The following BBX variants were observed in gnomAD, a reference collection of about 807,000 sequenced individuals.
BBX encodes the protein HMG box transcription factor BBX.
BBX carries 30 observed loss-of-function variants against 100.2 expected under a neutral mutation model. The ratio of observed to expected loss-of-function variants is 0.30; its 90% CI spans 0.22 to 0.41. The LOEUF (loss-of-function observed/expected upper bound fraction) is 0.41, where lower values mean the gene tolerates loss of function less well. Among genes scored for constraint, BBX ranks in the 10% least tolerant of loss-of-function variants. The probability of loss-of-function intolerance (pLI) is 1.00; values close to 1 mark genes in which losing one functional copy is unlikely to be tolerated. For missense variants in BBX, 1,023 were observed against 1,129.8 expected (o/e 0.91, Z 1.35); for synonymous variants, 376 against 388.1 (o/e 0.97, Z 0.37).
At chr3:107,525,757 T>G (rs530285365) in intron 1 of BBX, among the ~76,000 whole-genome samples, 16 of 152,198 alleles carry the variant, frequency 1.1e-4, no homozygotes, top group African/African-American at 3.4e-4. Context: ...TTGGCGAATG[T>G]GTTTTCCCTG....
At chr3:107,648,207 T>C (rs1165408800) in intron 3 of BBX, among the ~76,000 whole-genome samples, 2 of 152,176 alleles carry the variant, frequency 1.3e-5, no homozygotes, top group Admixed American at 1.3e-4. Flanking sequence ...TGAATCCTTT[T>C]GTTGTTATAT....
At chr3:107,606,646 G>T (rs1432687401) in intron 2 of BBX, among the ~76,000 whole-genome samples, 1 of 151,790 alleles carries the variant, frequency 6.6e-6, no homozygotes, top group African/African-American at 2.4e-5. Flanking sequence ...TTTTTAAAAA[G>T]TTTTTATTTT....
chr3:107,710,362 A>G (rs948566041), intron 3 of BBX, 90 bp from the exon 4 acceptor site: 2 of 1,071,946 alleles, frequency 1.9e-6, no homozygotes. Context: ...AGCTAAATAA[A>G]CTAATTGTAA....
chr3:107,637,571 C>A (rs369422641), intron 2 of BBX, among the ~76,000 whole-genome samples: 19 of 152,158 alleles, frequency 1.2e-4, no homozygotes, highest in Non-Finnish European at 1.5e-5. Flanking sequence ...GTTGTGTGGT[C>A]GATGGGTTGA....
intron 3 of BBX, among the ~76,000 whole-genome samples, chr3:107,705,714 G>T (rs759924483): frequency 6.6e-5 from 10 of 152,172 alleles, no homozygotes; most frequent in Non-Finnish European, 1.5e-4. Flanking sequence ...GTAAAGGGTG[G>T]ATTTGCCAAC....
intron 7 of BBX, among the ~76,000 whole-genome samples, chr3:107,733,256 T>C (rs2063425935): frequency 6.6e-6 from 1 of 152,116 alleles, no homozygotes; most frequent in African/African-American, 2.4e-5. Flanking sequence ...AACCTACAAG[T>C]AAGGTTGTAG....
chr3:107,571,481 G>T (rs534126418), intron 2 of BBX, among the ~76,000 whole-genome samples: 70 of 152,312 alleles, frequency 4.6e-4, no homozygotes, highest in African/African-American at 1.6e-3. Context: ...ACTGGAGTTG[G>T]AAGGACAGGG....
chr3:107,677,977 C>T (rs2059373045), intron 3 of BBX, among the ~76,000 whole-genome samples: 2 of 152,112 alleles, frequency 1.3e-5, no homozygotes, highest in African/African-American at 2.4e-5. Flanking sequence ...AAGAAAACCT[C>T]ATCCATAATT....
chr3:107,701,881 TATA>T (rs1461984171), intron 3 of BBX, among the ~76,000 whole-genome samples: 1 of 152,106 alleles, frequency 6.6e-6, no homozygotes, highest in Non-Finnish European at 1.5e-5. Flanking sequence ...AGTTAATAGA[TATA>T]ATCTCTTAGC....
intron 2 of BBX, chr3:107,638,531 C>A (rs1257077994): frequency 6.6e-6 from 1 of 152,092 alleles, no homozygotes; most frequent in Non-Finnish European, 1.5e-5. Flanking sequence ...ATACCTGGAA[C>A]AATTCTTTCT....
At chr3:107,523,572 CA>C (rs2047521264) in intron 1 of BBX, 1 of 152,546 alleles carries the variant, frequency 6.6e-6, no homozygotes, top group South Asian at 2.1e-4. Flanking sequence ...GGAGCGGCCC[CA>C]GGAAAACAAC....
rs186463140 is a variant in BBX, at chr3:107,676,600, A to G, written c.-10+30691A>G. 4.2e-3 allele frequency among the ~76,000 whole-genome samples: 635 copies of G among 152,294 alleles called. 1 individual carries two copies. Among genetic ancestry groups the G allele is most frequent in the Non-Finnish European group, 6.0e-3 (410 of 68,016 alleles). On this transcript the variant is annotated intron_variant, in intron 3 of 17. Transcript: ENST00000325805. ...ATCATCTGAAGTGAATGATAAAAGC[A>G]TGTTAAATTGAATCTCCTTTCTAAC...
intron 5 of BBX, among the ~76,000 whole-genome samples, chr3:107,726,939 AT>A (rs1446409636): frequency 3.9e-5 from 6 of 151,926 alleles, no homozygotes; most frequent in Non-Finnish European, 7.4e-5. Flanking sequence ...GCTCTATGTG[AT>A]TTTCAGCACC....
chr3:107,647,761 A>G (rs2057606213), intron 3 of BBX, among the ~76,000 whole-genome samples: 1 of 152,216 alleles, frequency 6.6e-6, no homozygotes, highest in African/African-American at 2.4e-5. Context: ...GTTTATGGCA[A>G]TAAACATTTA....
intron 3 of BBX, chr3:107,677,325 T>A (rs1576296347): frequency 6.6e-6 from 1 of 152,260 alleles, no homozygotes; most frequent in East Asian, 1.9e-4. Flanking sequence ...AGATACAGAT[T>A]ATATTTCTGG....
In BBX at chr3:107,621,265, A is replaced by G. The variant is rs550518936; in HGVS notation, c.-83-24571A>G. 9.2e-5 allele frequency among the ~76,000 whole-genome samples: 14 copies of G among 152,234 alleles called. No individual in the cohort carries two copies. The South Asian group carries it at 2.5e-3, about 27-fold the overall frequency. ...GCATTTTTGGATTGCCAGCTTCTTC[A>G]GTTCGAAGTTGCAGATATGTGAAGT... On this transcript the variant is annotated intron_variant, in intron 2 of 17. Transcript: ENST00000325805.
chr3:107,619,083 C>G (rs1195016609), intron 2 of BBX, among the ~76,000 whole-genome samples: 1 of 152,048 alleles, frequency 6.6e-6, no homozygotes, highest in Non-Finnish European at 1.5e-5. Context: ...TATGCATACA[C>G]ATTTAGGATT....
chr3:107,540,820 A>G (rs974097234), intron 2 of BBX, among the ~76,000 whole-genome samples: 18 of 152,156 alleles, frequency 1.2e-4, no homozygotes, highest in African/African-American at 4.3e-4. Flanking sequence ...TACTATTACA[A>G]TTAGTACTGA....
At chr3:107,761,871 T>C (rs1029027471) in intron 10 of BBX, among the ~76,000 whole-genome samples, 1 of 152,166 alleles carries the variant, frequency 6.6e-6, no homozygotes, top group African/African-American at 2.4e-5. Context: ...ATTTGATCAG[T>C]GTATGATTCC....
Sources: allele counts gnomAD v4.1 joint callset (sites outside exome capture counted in the v4.1 genomes callset), GRCh38; gene constraint gnomAD v4.1.1; transcripts MANE v1.5; gene names NCBI Gene and HGNC (gene_info 2026-07-23, HGNC 2026-07-21).